Variants in SPEN observed in about 807,000 individuals in gnomAD.
The protein encoded by SPEN is spen family transcriptional repressor.
SPEN carries 18 observed loss-of-function variants against 269.9 expected under a neutral mutation model. The ratio of observed to expected loss-of-function variants is 0.07; its 90% CI spans 0.05 to 0.10. The LOEUF is 0.10. SPEN is among the 10% of genes least tolerant of loss of function. The pLI is 1.00. For missense variants in SPEN, 3,822 were observed against 4,631.2 expected, an observed-to-expected ratio of 0.83 and a Z score of 5.07; for synonymous variants, 1,726 against 1,765.7, an observed-to-expected ratio of 0.98 and a Z score of 0.56.
In SPEN at chr1:15,930,189, A is replaced by C; in HGVS notation, c.3949A>C (p.Arg1317=). The change falls in exon 11 of 15, where the codon AGA becomes CGA. Residue 1317 remains arginine (R), a synonymous_variant. Coordinates refer to ENST00000375759, the MANE Select transcript of SPEN (RefSeq NM_015001.3). This position sits in a 1 kb window ranked among gnomAD's most constrained non-coding sequence, Gnocchi z 5.3. ...LKFNPYDSSR[R]EQMADMAKIK... ...ATTTAATCCTTATGATTCTAGCAGG[A>C]GAGAACAGATGGCAGATATGGCCAA... The C allele has an allele frequency of 6.2e-7, 1 of 1,614,202 alleles. No individual in the cohort carries two copies.
chr1:15,896,528 A>G (rs781264472), intron 3 of SPEN, among the ~76,000 whole-genome samples: 2 of 152,134 alleles, frequency 1.3e-5, no homozygotes, highest in Non-Finnish European at 2.9e-5. Context: ...TCAACACTAA[A>G]TCTAGTTAAG....
At position 15,929,805 on chromosome 1, in the gene SPEN, T is replaced by C. The variant is rs138674827; in HGVS notation, c.3565T>C (p.Ser1189Pro). 1,025 of 1,614,110 alleles carry C rather than the reference T, an allele frequency of 6.4e-4. 10 individuals carry two copies. The African/African-American group carries it at 0.013, about 20-fold the overall frequency. ...GCAGATGGAAATGGAAATAGCCAAG[T>C]CTGAGAAGTTTGGCAGTCCTAAAAA... is the stretch of plus-strand genomic sequence containing the variant. The part of the protein sequence containing the change: ...KQQMEMEIAK[S>P]EKFGSPKKDV... The change falls in exon 11 of 15, where the codon TCT (serine) becomes CCT (proline). Residue 1189 changes from serine (S) to proline (P), a missense_variant. Physicochemically the swap from Ser to Pro is moderately conservative, Grantham distance 74 (BLOSUM62 -1). This residue lies in a region of SPEN where 46 missense variants were observed against 94.0 expected (regional missense o/e 0.49). Transcript: ENST00000375759. This position sits in a 1 kb window ranked among gnomAD's most constrained non-coding sequence, Gnocchi z 5.8.
intron 1 of SPEN, among the ~76,000 whole-genome samples, chr1:15,861,574 T>C (rs1417648629): frequency 1.3e-5 from 2 of 152,180 alleles, no homozygotes; most frequent in Admixed American, 1.3e-4. Flanking sequence ...TTCTCAGCAG[T>C]TGTACTGTAA....
intron 3 of SPEN, 143 bp downstream of exon 3, chr1:15,876,821 G>A: frequency 4.2e-6 from 3 of 710,534 alleles, no homozygotes; most frequent in Non-Finnish European, 7.2e-6. Flanking sequence ...AAACTGGCAT[G>A]TGGCCATTGA....
rs946222935 is a variant in SPEN at position 15,929,962 on chromosome 1, G to C, written c.3722G>C (p.Arg1241Pro). 5.6e-6 allele frequency: 9 copies of C among 1,614,012 alleles called. No homozygotes were observed. The highest frequency in any genetic ancestry group is 1.1e-5 in the South Asian group (1 of 91,086). Residue 1241 changes from arginine to proline, a missense_variant, in exon 11 of 15, where the codon CGA (arginine) becomes CCA (proline). Physicochemically the swap from Arg to Pro is moderately radical, Grantham distance 103. Coordinates refer to ENST00000375759, the MANE Select transcript of SPEN (RefSeq NM_015001.3). The surrounding 1 kb of genome is among the most constrained non-coding windows in gnomAD (Gnocchi z 5.8). ...GTCGATTTTGATATCTGCACCAAGC[G>C]AGAACGGAATTACAGAAGTTCACGC... ...DHVDFDICTK[R>P]ERNYRSSRQI...
Position 15,916,228 on chromosome 1 carries a change from C to G in SPEN, c.1344C>G (p.Thr448=), listed in dbSNP as rs147743285. 2.5e-5 allele frequency: 41 copies of G among 1,613,878 alleles called. No individual in the cohort carries two copies. In the African/African-American group the frequency reaches 3.6e-4, roughly 14 times the overall value. The change falls in exon 6 of 15, where the codon ACC becomes ACG. Residue 448 remains threonine (T), a synonymous_variant. Transcript: ENST00000375759. The part of the protein sequence containing the change: ...RTLFIGNLEK[T]TTYHDLRNIF... ...TCTTTATTGGCAACCTTGAAAAAAC[C>G]ACTACTTACCATGACCTTCGCAACA... is the stretch of plus-strand genomic sequence containing the variant.
At chr1:15,908,485 C>G (rs1557751608) in intron 3 of SPEN, among the ~76,000 whole-genome samples, 1 of 151,744 alleles carries the variant, frequency 6.6e-6, no homozygotes, top group South Asian at 2.1e-4. Flanking sequence ...TGCAGTGATG[C>G]GATCTTGGCT....
In SPEN at chr1:15,909,405, G is replaced by A. The variant is rs188688981; in HGVS notation, c.966G>A (p.Leu322=). ...SAAVPAPTSQ[L]LSSLEKDEPR... is the part of the protein sequence containing the mutation. Reference sequence around the variant, plus strand: ...CAGTCCCTGCACCCACTTCCCAGTTGCTTTCATCTCTGGAAAAAGATGAGC... The same window carrying A: ...CAGTCCCTGCACCCACTTCCCAGTTACTTTCATCTCTGGAAAAAGATGAGC... Residue 322 remains leucine (L), a synonymous_variant, in exon 4 of 15, where the codon TTG becomes TTA. Transcript: ENST00000375759. 4 of 1,614,134 alleles carry A rather than the reference G, an allele frequency of 2.5e-6. No homozygotes were observed. In the African/African-American group the frequency reaches 4.0e-5, roughly 16 times the overall value.
rs2071187662 is a variant in SPEN at position 15,928,321 on chromosome 1, A to AAT, written c.2085_2086dup (p.Ser696IlefsTer114). On this transcript the variant is annotated frameshift_variant, in exon 11 of 15. Transcript: ENST00000375759. LOFTEE classifies it high-confidence loss of function. This position sits in a 1 kb window ranked among gnomAD's most constrained non-coding sequence, Gnocchi z 5.7. The stretch of plus-strand genomic sequence containing the variant: ...GATCCTTATGAACAAGATATTAGGG[A>AAT]ATATAGTTACAGGCAAAGGGAACGA... The AAT allele has an allele frequency of 6.2e-7, 1 of 1,614,096 alleles. No individual in the cohort carries two copies. The highest frequency in any genetic ancestry group is 8.5e-7 in the Non-Finnish European group (1 of 1,180,042).
intron 10 of SPEN, 101 bp from the exon 11 acceptor site, chr1:15,927,990 A>G (rs1185910608): frequency 8.8e-7 from 1 of 1,137,704 alleles, no homozygotes; most frequent in Non-Finnish European, 1.2e-6. Context: ...AATAATGTCA[A>G]AAGATTTTTT....
intron 3 of SPEN, among the ~76,000 whole-genome samples, chr1:15,890,641 A>G (rs1014075666): frequency 4.8e-5 from 7 of 145,760 alleles, no homozygotes; most frequent in African/African-American, 1.3e-4. Flanking sequence ...TGCAACTTCC[A>G]CTGTAAAATT....
Position 15,919,533 on chromosome 1 carries a change from T to C in SPEN, c.1635+16T>C. On this transcript the variant is annotated intron_variant, in intron 8 of 14. Transcript: ENST00000375759. ...TGTGGTAAAGGTAGGCGGGAGGTTT[T>C]GGTATGTGGTTCAGACTTCTGACTC... 1 of 1,535,784 alleles carries C rather than the reference T, an allele frequency of 6.5e-7. No individual in the cohort carries two copies. The highest frequency in any genetic ancestry group is 8.9e-7 in the Non-Finnish European group (1 of 1,129,720).
In SPEN at chr1:15,873,042, G is replaced by A; in HGVS notation, c.310G>A (p.Val104Ile). 1 of 1,614,158 alleles carries A rather than the reference G, an allele frequency of 6.2e-7. No individual in the cohort carries two copies. Among genetic ancestry groups the A allele is most frequent in the Non-Finnish European group, 8.5e-7 (1 of 1,180,022 alleles). The change falls in exon 2 of 15, where the codon GTT becomes ATT. Residue 104 changes from valine to isoleucine, a missense_variant. Physicochemically the swap from Val to Ile is conservative, Grantham distance 29. Transcript: ENST00000375759. ...TVSIASRSRE[V>I]SGFRGGGGGP... ...TTCCATAGCATCTCGTAGTAGAGAG[G>A]TTTCTGGGTTCAGAGGAGGTGGTGG...
rs1313599059 is a variant in SPEN at position 15,933,562 on chromosome 1, A to G, written c.7322A>G (p.Asp2441Gly). The change falls in exon 11 of 15, where the codon GAT (aspartate) becomes GGT (glycine). Residue 2441 changes from aspartate to glycine, a missense_variant. Around this residue, in one of 16 missense-constraint regions of SPEN, gnomAD observed 727 missense variants for 737.9 expected, o/e 0.99. Coordinates refer to ENST00000375759, the MANE Select transcript of SPEN (RefSeq NM_015001.3). This position sits in a 1 kb window ranked among gnomAD's most constrained non-coding sequence, Gnocchi z 5.7. ...LPPPPQPAPV[D>G]EEPQARFRVH... Reference sequence around the variant, plus strand: ...CCACCTCCCCAGCCAGCACCGGTGGATGAGGAGCCTCAAGCCAGGTTCAGG... The same window carrying G: ...CCACCTCCCCAGCCAGCACCGGTGGGTGAGGAGCCTCAAGCCAGGTTCAGG... 26 of 1,613,976 alleles carry G rather than the reference A, an allele frequency of 1.6e-5. No individual in the cohort carries two copies. Among genetic ancestry groups the G allele is most frequent in the Non-Finnish European group, 2.1e-5 (25 of 1,179,924 alleles).
Position 15,855,990 on chromosome 1 carries a change from C to CCTTTTTTTTTTTTTT in SPEN, c.83+7840_83+7841insCTTTTTTTTTTTTTT, listed in dbSNP as rs370972899. ...TTATTGTGTGAAAAGGATGCTAGAA[C>CCTTTTTTTTTTTTTT]TTTTTTTTTTTTTTTTTTTTGAGAC... On this transcript the variant is annotated intron_variant, in intron 1 of 14. Transcript: ENST00000375759. 7.1e-5 allele frequency among the ~76,000 whole-genome samples: 2 copies of CCTTTTTTTTTTTTTT among 28,220 alleles called. 1 individual carries two copies. The highest frequency in any genetic ancestry group is 2.1e-4 in the African/African-American group (2 of 9,682). 18.5% of individuals were successfully genotyped at this position (28,220 alleles called of 152,430 possible). A position where few individuals can be genotyped will look rare whatever the true frequency, so the allele number is the denominator to read the frequency against.
rs1244943307 is a variant in SPEN at position 15,872,951 on chromosome 1, C to G, written c.219C>G (p.Asp73Glu). Reference sequence around the variant, plus strand: ...CGGTCAACAAAATGGGTGACAGAGACCTACGCACGGATTATAATGAACCAG... The same window carrying G: ...CGGTCAACAAAATGGGTGACAGAGAGCTACGCACGGATTATAATGAACCAG... ...HNSVNKMGDR[D>E]LRTDYNEPGT... Residue 73 changes from aspartate (D) to glutamate (E), a missense_variant, in exon 2 of 15, where the codon GAC becomes GAG. Physicochemically the swap from Asp to Glu is conservative, Grantham distance 45. Transcript: ENST00000375759. 1 of 1,613,890 alleles carries G rather than the reference C, an allele frequency of 6.2e-7. No individual in the cohort carries two copies. The highest frequency in any genetic ancestry group is 8.5e-7 in the Non-Finnish European group (1 of 1,179,888).
In SPEN at chr1:15,933,461, C is replaced by T; in HGVS notation, c.7221C>T (p.Ser2407=). The T allele has an allele frequency of 6.2e-7, 1 of 1,614,152 alleles. No individual in the cohort carries two copies. Among genetic ancestry groups the T allele is most frequent in the South Asian group, 1.1e-5 (1 of 91,076 alleles). Residue 2407 remains serine (S), a synonymous_variant, in exon 11 of 15, where the codon TCC becomes TCT. Coordinates refer to ENST00000375759, the MANE Select transcript of SPEN (RefSeq NM_015001.3). This position sits in a 1 kb window ranked among gnomAD's most constrained non-coding sequence, Gnocchi z 5.7. ...SCTSDLSKIP[S]TENSSQEISV... ...CTTCTGACCTAAGCAAGATTCCCTCCACAGAGAATTCGTCCCAAGAAATCA... is the reference window on the plus strand; with the variant it reads ...CTTCTGACCTAAGCAAGATTCCCTCTACAGAGAATTCGTCCCAAGAAATCA...
chr1:15,904,710 C>T (rs1331340594), intron 3 of SPEN, among the ~76,000 whole-genome samples: 2 of 150,112 alleles, frequency 1.3e-5, no homozygotes, highest in Non-Finnish European at 3.0e-5. Flanking sequence ...GACTCGGCCT[C>T]CCAAAGTGCT....
In SPEN at chr1:15,919,068, A is replaced by G. The variant is rs1445655755; in HGVS notation, c.1521+17A>G. On this transcript the variant is annotated intron_variant, in intron 7 of 14. Coordinates refer to ENST00000375759, the MANE Select transcript of SPEN (RefSeq NM_015001.3). ...CGCCTCAAGGTAAATGAATTTGCAT[A>G]AATTATTGTGCTGTTATGATTTGCT... 6.2e-7 allele frequency: 1 copy of G among 1,603,630 alleles called. No homozygotes were observed. The highest frequency in any genetic ancestry group is 2.2e-5 in the East Asian group (1 of 44,702).
Sources: allele counts gnomAD v4.1 joint callset (sites outside exome capture counted in the v4.1 genomes callset), GRCh38; gene constraint gnomAD v4.1.1; regional missense constraint gnomAD v4.1.1; non-coding constraint Gnocchi (gnomAD v3.1); transcripts MANE v1.5; gene names NCBI Gene and HGNC (gene_info 2026-07-23, HGNC 2026-07-21).